The following CIAO2A variants were observed in gnomAD, a reference collection of about 807,000 sequenced individuals.
CIAO2A encodes cytosolic iron-sulfur assembly component 2A.
A neutral mutation model predicts 22.4 loss-of-function variants in CIAO2A; 17 were observed. The observed-to-expected ratio is 0.76, with a 90% confidence interval of 0.52 to 1.14. CIAO2A has a LOEUF of 1.14. CIAO2A is among the 50% of genes most tolerant of loss of function. The pLI is 0.00. For missense variants in CIAO2A, 192 were observed against 191.4 expected, an observed-to-expected ratio of 1.00 and a Z score of -0.02; for synonymous variants, 74 against 72.3, an observed-to-expected ratio of 1.02 and a Z score of -0.12.
At chr15:64,084,830 CA>C (rs1271261325) in intron 2 of CIAO2A, among the ~76,000 whole-genome samples, 1 of 152,010 alleles carries the variant, frequency 6.6e-6, no homozygotes, top group East Asian at 1.9e-4. Flanking sequence ...CGGTGGCTCA[CA>C]CCTGTAATCC....
chr15:64,075,289 G>A, intron 4 of CIAO2A: 1 of 467,472 alleles, frequency 2.1e-6, no homozygotes, highest in Non-Finnish European at 3.8e-6. Context: ...CAACATCCGT[G>A]GGCTCTAGTG....
intron 3 of CIAO2A, among the ~76,000 whole-genome samples, chr15:64,079,066 C>T (rs140662598): frequency 1.4e-3 from 205 of 149,376 alleles, no homozygotes; most frequent in African/African-American, 3.5e-3. Flanking sequence ...GAAAGAGCCA[C>T]GGCAATTCAA....
intron 4 of CIAO2A, among the ~76,000 whole-genome samples, chr15:64,074,095 T>A (rs530112673): frequency 6.6e-6 from 1 of 152,094 alleles, no homozygotes; most frequent in Non-Finnish European, 1.5e-5. Flanking sequence ...CTACTAGATC[T>A]TTTTTTAAAA....
chr15:64,080,955 C>G, intron 3 of CIAO2A, 147 bp downstream of exon 3: 1 of 658,300 alleles, frequency 1.5e-6, no homozygotes, highest in Non-Finnish European at 2.5e-6. Context: ...AAAGTAGAAA[C>G]AACCTAAATG....
intron 1 of CIAO2A, among the ~76,000 whole-genome samples, chr15:64,092,698 G>A (rs1395723231): frequency 6.6e-6 from 1 of 152,204 alleles, no homozygotes; most frequent in African/African-American, 2.4e-5. Context: ...CCTCTAGTAA[G>A]AGAGGTCAAC....
intron 3 of CIAO2A, 45 bp from the exon 4 acceptor site, chr15:64,075,582 C>A (rs550103936): frequency 1.6e-6 from 2 of 1,221,832 alleles, no homozygotes; most frequent in South Asian, 2.6e-5. Context: ...TTAATGCATT[C>A]TAAGATAAGA....
At position 64,080,543 on chromosome 15, in the gene CIAO2A, G is replaced by A. The variant is rs1011836996; in HGVS notation, c.339+559C>T. ...TAAAAATACAAAAAATTAGCTGGGC[G>A]TGGTGGTGGGCACCTGTAGTCCCAG... On this transcript the variant is annotated intron_variant, in intron 3 of 4. Transcript: ENST00000300030. 6.6e-5 allele frequency among the ~76,000 whole-genome samples: 10 copies of A among 152,070 alleles called. No individual in the cohort carries two copies. In the East Asian group the frequency reaches 9.7e-4, roughly 15 times the overall value.
intron 2 of CIAO2A, among the ~76,000 whole-genome samples, chr15:64,083,323 C>T (rs1009882468): frequency 3.9e-5 from 6 of 152,124 alleles, no homozygotes; most frequent in Admixed American, 2.6e-4. Flanking sequence ...AGAACCCAAA[C>T]CTACACCTTC....
chr15:64,081,148 A>G lies in CIAO2A; in HGVS notation c.293T>C (p.Leu98Pro). ...TCGCTGAAGTTTTACTCTTAAGCAC[A>G]GCCCTGTGGAGGGAAAATCACACCT... ...PHCSLATLIG[L>P]CLRVKLQRCL... Residue 98 changes from leucine to proline, a missense_variant, in exon 3 of 5, where the codon CTG (leucine) becomes CCG (proline). Physicochemically the swap from Leu to Pro is moderately conservative, Grantham distance 98. Coordinates refer to ENST00000300030, the MANE Select transcript of CIAO2A (RefSeq NM_032231.7). 1 of 1,612,914 alleles carries G rather than the reference A, an allele frequency of 6.2e-7. No individual in the cohort carries two copies. Among genetic ancestry groups the G allele is most frequent in the East Asian group, 2.2e-5 (1 of 44,826 alleles).
intron 2 of CIAO2A, among the ~76,000 whole-genome samples, chr15:64,086,785 T>C (rs1308486338): frequency 7.3e-6 from 1 of 137,592 alleles, no homozygotes; most frequent in African/African-American, 2.7e-5. Context: ...AGCTAATTTT[T>C]GTATTTTTAG....
chr15:64,084,501 G>A (rs544588145), intron 2 of CIAO2A, among the ~76,000 whole-genome samples: 1 of 152,246 alleles, frequency 6.6e-6, no homozygotes, highest in African/African-American at 2.4e-5. Context: ...CAGGCACGGA[G>A]GCTCACCCCT....
chr15:64,088,187 C>A (rs1202527923), intron 2 of CIAO2A, among the ~76,000 whole-genome samples: 1 of 152,174 alleles, frequency 6.6e-6, no homozygotes, highest in Non-Finnish European at 1.5e-5. Flanking sequence ...CAACCTCCTA[C>A]CAGGACTTCT....
In CIAO2A at chr15:64,075,300, C is replaced by T. The variant is rs914708697; in HGVS notation, c.385+192G>A. The T allele has an allele frequency of 6.1e-6, 3 of 495,470 alleles. No homozygotes were observed. In the African/African-American group the frequency reaches 6.1e-5, roughly 10 times the overall value. The allele number at this position is 495,470 out of a possible 1,614,324, so 30.7% of individuals were successfully genotyped here. ...CAGTCAACATCCGTGGGCTCTAGTG[C>T]ACTCGGAGTCCACTGCAAAAATTAC... On this transcript the variant is annotated intron_variant, in intron 4 of 4. Transcript: ENST00000300030.
At chr15:64,075,867 T>G (rs2080713673) in intron 3 of CIAO2A, among the ~76,000 whole-genome samples, 1 of 152,084 alleles carries the variant, frequency 6.6e-6, no homozygotes, top group South Asian at 2.1e-4. Context: ...TTCGCCATGT[T>G]GGCCAGACTG....
intron 3 of CIAO2A, among the ~76,000 whole-genome samples, chr15:64,077,684 TTCAAAAA>T (rs2080729267): frequency 6.6e-6 from 1 of 152,146 alleles, no homozygotes; most frequent in Non-Finnish European, 1.5e-5. Context: ...GTTTACATTC[TTCAAAAA>T]TATCAAGATC....
intron 4 of CIAO2A, chr15:64,074,706 C>G (rs527497315): frequency 2.0e-5 from 3 of 152,272 alleles, no homozygotes; most frequent in Admixed American, 2.0e-4. Flanking sequence ...CTCTATAGCT[C>G]TCTTTTATGT....
intron 1 of CIAO2A, 30 bp downstream of exon 1, chr15:64,093,615 C>T: frequency 2.5e-6 from 4 of 1,598,774 alleles, no homozygotes; most frequent in Middle Eastern, 2.0e-4. Context: ...ACCTATAACG[C>T]CAAATGCTGT....
intron 2 of CIAO2A, among the ~76,000 whole-genome samples, chr15:64,087,504 C>T (rs2080807208): frequency 6.6e-6 from 1 of 152,262 alleles, no homozygotes; most frequent in African/African-American, 2.4e-5. Context: ...GCTGGGATTA[C>T]AGGTGTGAGC....
intron 3 of CIAO2A, among the ~76,000 whole-genome samples, chr15:64,080,253 T>C (rs2080750167): frequency 1.3e-5 from 2 of 150,604 alleles, no homozygotes; most frequent in South Asian, 4.2e-4. Flanking sequence ...CCGGGAATGG[T>C]GGTACATGCC....
Sources: allele counts gnomAD v4.1 joint callset (sites outside exome capture counted in the v4.1 genomes callset), GRCh38; gene constraint gnomAD v4.1.1; transcripts MANE v1.5; gene names NCBI Gene and HGNC (gene_info 2026-07-23, HGNC 2026-07-21).